CCDC88A: variants seen among roughly 807,000 people sequenced by gnomAD.
The protein encoded by CCDC88A is girdin.
A neutral mutation model predicts 234.3 loss-of-function variants in CCDC88A; 54 were observed. The observed-to-expected ratio is 0.23, with a 90% CI of 0.19 to 0.29. The LOEUF (loss-of-function observed/expected upper bound fraction) is 0.29, where lower values mean the gene tolerates loss of function less well. Ranked by LOEUF, CCDC88A falls within the 10% of genes least tolerant of loss-of-function variation. CCDC88A has a pLI of 1.00. For missense variants in CCDC88A, 1,832 were observed against 2,123.4 expected (o/e 0.86, Z 2.70); for synonymous variants, 753 against 737.8 (o/e 1.02, Z -0.33).
intron 7 of CCDC88A, among the ~76,000 whole-genome samples, chr2:55,360,785 G>A (rs1180944401): frequency 6.6e-6 from 1 of 152,074 alleles, no homozygotes; most frequent in East Asian, 1.9e-4. Context: ...GCACCCATCA[G>A]TCATACAAAA....
intron 18 of CCDC88A, among the ~76,000 whole-genome samples, chr2:55,321,859 G>A (rs1378140131): frequency 6.6e-6 from 1 of 151,716 alleles, no homozygotes; most frequent in Non-Finnish European, 1.5e-5. Flanking sequence ...AAATCATGGT[G>A]TGGGGATTAA....
At chr2:55,390,467 C>T (rs1246755787) in intron 2 of CCDC88A, among the ~76,000 whole-genome samples, 2 of 152,180 alleles carry the variant, frequency 1.3e-5, no homozygotes, top group African/African-American at 4.8e-5. Context: ...CAACCACTTA[C>T]GCTGAGATTA....
At chr2:55,408,651 G>A (rs1679989140) in intron 2 of CCDC88A, among the ~76,000 whole-genome samples, 1 of 152,152 alleles carries the variant, frequency 6.6e-6, no homozygotes, top group Non-Finnish European at 1.5e-5. Context: ...TCTACCCCTT[G>A]TTTGGCATAT....
At chr2:55,302,343 G>A (rs1404023236) in intron 26 of CCDC88A, among the ~76,000 whole-genome samples, 4 of 152,184 alleles carry the variant, frequency 2.6e-5, no homozygotes, top group East Asian at 1.9e-4. Flanking sequence ...ACTGCCATGC[G>A]ATTGTGCAGC....
chr2:55,302,873 A>AT (rs1207980052), intron 26 of CCDC88A, 196 bp downstream of exon 26: 1 of 451,272 alleles, frequency 2.2e-6, no homozygotes, highest in Non-Finnish European at 4.0e-6. Context: ...ATGCACGTAT[A>AT]TGTATCAGTG....
intron 3 of CCDC88A, among the ~76,000 whole-genome samples, chr2:55,383,267 CT>C (rs1674908611): frequency 6.6e-6 from 1 of 152,042 alleles, no homozygotes; most frequent in Non-Finnish European, 1.5e-5. Context: ...GAAACATACA[CT>C]TTTGAATTTT....
intron 3 of CCDC88A, among the ~76,000 whole-genome samples, chr2:55,385,670 T>C (rs1345054385): frequency 6.6e-6 from 1 of 151,166 alleles, no homozygotes; most frequent in Non-Finnish European, 1.5e-5. Flanking sequence ...CTGGCCAACA[T>C]GGTGAAACCA....
chr2:55,332,097 C>G lies in CCDC88A; in HGVS notation c.2855+469G>C, dbSNP rs1220111656. ...ATCTATATTAGATTGTCTATGATTC[C>G]TCTTTTCTCCTTACAGAACTTTCTT... On this transcript the variant is annotated intron_variant, in intron 16 of 32. Transcript: ENST00000436346. The surrounding 1 kb of genome is among the most constrained non-coding windows in gnomAD (Gnocchi z 4.5). 1 of 152,440 alleles carries G rather than the reference C, an allele frequency of 6.6e-6. No individual in the cohort carries two copies. The highest frequency in any genetic ancestry group is 1.5e-5 in the Non-Finnish European group (1 of 68,544). The allele number at this position is 152,440 out of a possible 1,614,324, so 9.4% of individuals were successfully genotyped here.
intron 23 of CCDC88A, among the ~76,000 whole-genome samples, chr2:55,310,547 C>G (rs1682218310): frequency 6.6e-6 from 1 of 151,798 alleles, no homozygotes; most frequent in African/African-American, 2.4e-5. Context: ...TGCTACTGCA[C>G]TCCAGCCTGG....
chr2:55,330,899 T>A (rs1684838101), intron 16 of CCDC88A, among the ~76,000 whole-genome samples: 2 of 152,236 alleles, frequency 1.3e-5, no homozygotes, highest in East Asian at 3.8e-4. Flanking sequence ...TTTGTCTACA[T>A]GGAATGCCCT....
chr2:55,319,494 A>G (rs1485345912), intron 18 of CCDC88A, among the ~76,000 whole-genome samples: 1 of 152,128 alleles, frequency 6.6e-6, no homozygotes, highest in Non-Finnish European at 1.5e-5. Context: ...AAATATTTCA[A>G]AGGGAAGCAG....
intron 8 of CCDC88A, among the ~76,000 whole-genome samples, chr2:55,354,082 A>C (rs1670244844): frequency 6.6e-6 from 1 of 152,196 alleles, no homozygotes; most frequent in African/African-American, 2.4e-5. Context: ...TTGTGTTTTT[A>C]AACATATCTA....
At chr2:55,343,120 T>G (rs780996927) in intron 12 of CCDC88A, among the ~76,000 whole-genome samples, 19 of 152,112 alleles carry the variant, frequency 1.2e-4, no homozygotes, top group Admixed American at 9.8e-4. Context: ...TGGGGGATCT[T>G]ACATTAGGTC....
At position 55,291,757 on chromosome 2, in the gene CCDC88A, T is replaced by C; in HGVS notation, c.5570A>G (p.Glu1857Gly). Reference sequence around the variant, plus strand: ...AGACCTGCTTTTTGAATTTCTGCTTTCTTGTACTTTGTCCACATCTGCAGG... The same window carrying C: ...AGACCTGCTTTTTGAATTTCTGCTTCCTTGTACTTTGTCCACATCTGCAGG... ...TAASNVDKVQ[E>G]SRNSKSRSRE... is the part of the protein sequence containing the mutation. Residue 1857 changes from glutamate to glycine, a missense_variant, in exon 32 of 33, where the codon GAA (glutamate) becomes GGA (glycine). Physicochemically the swap from Glu to Gly is moderately conservative, Grantham distance 98 (BLOSUM62 -2). Transcript: ENST00000436346. 1 of 1,612,504 alleles carries C rather than the reference T, an allele frequency of 6.2e-7. No homozygotes were observed.
Position 55,372,486 on chromosome 2 carries a change from T to C in CCDC88A, c.368A>G (p.Lys123Arg). Residue 123 changes from lysine to arginine, a missense_variant, in exon 5 of 33, where the codon AAA becomes AGA. Physicochemically the swap from Lys to Arg is conservative, Grantham distance 26. This residue lies in a region of CCDC88A where 84 missense variants were observed against 80.9 expected (regional missense o/e 1.04). Transcript: ENST00000436346. ...FSEQGTEEVK[K>R]LLLLLLGCAV... The stretch of plus-strand genomic sequence containing the variant: ...ACAACCCAATAAAAGTAAAAGCAGT[T>C]TTTTAACTTCTTCTGTGCCTTGTTC... 6.6e-7 allele frequency: 1 copy of C among 1,526,298 alleles called. No homozygotes were observed. The highest frequency in any genetic ancestry group is 9.0e-7 in the Non-Finnish European group (1 of 1,105,402). The allele number at this position is 1,526,298 out of a possible 1,614,324, so 94.5% of individuals were successfully genotyped here.
rs1414700109 is a variant in CCDC88A at position 55,374,961 on chromosome 2, T to C, written c.274-78A>G. On this transcript the variant is annotated intron_variant, in intron 3 of 32. Coordinates refer to ENST00000436346, the MANE Select transcript of CCDC88A (RefSeq NM_001365480.1). The stretch of plus-strand genomic sequence containing the variant: ...ATTCATCAAGCTATAACTTATGATT[T>C]GTACATTCTTCTGTAGGTGTGCTAT... The C allele has an allele frequency of 3.7e-5, 32 of 872,390 alleles. No homozygotes were observed. The South Asian group carries it at 4.8e-4, about 13-fold the overall frequency. 54.0% of individuals were successfully genotyped at this position (872,390 alleles called of 1,614,324 possible).
intron 2 of CCDC88A, 100 bp from the exon 3 acceptor site, chr2:55,388,986 T>C: frequency 3.0e-6 from 1 of 331,246 alleles, no homozygotes; most frequent in East Asian, 5.6e-5. Context: ...TTTAAATAAA[T>C]TGTGTGCTCA....
Position 55,312,447 on chromosome 2 carries a change from G to T in CCDC88A, c.4066C>A (p.Gln1356Lys). The change falls in exon 23 of 33, where the codon CAA (glutamine) becomes AAA (lysine). Residue 1356 changes from glutamine to lysine, a missense_variant. Gln to Lys is a moderately conservative substitution (Grantham distance 53). Around this residue, in one of 6 missense-constraint regions of CCDC88A, gnomAD observed 1,282 missense variants for 1,543.6 expected, o/e 0.83. Transcript: ENST00000436346. The stretch of plus-strand genomic sequence containing the variant: ...TTTGGTACCTACATGTACTGTCTTT[G>T]TTCAACATGAAAAAGATCCTTGCTT... ...MESKDLFHVEQRQYIDKLNEL... is the reference protein window; with the variant it reads ...MESKDLFHVEKRQYIDKLNEL... The T allele has an allele frequency of 6.2e-7, 1 of 1,611,766 alleles. No individual in the cohort carries two copies. The highest frequency in any genetic ancestry group is 8.5e-7 in the Non-Finnish European group (1 of 1,179,136).
chr2:55,407,742 G>C (rs1341991027), intron 2 of CCDC88A, among the ~76,000 whole-genome samples: 2 of 133,888 alleles, frequency 1.5e-5, no homozygotes, highest in East Asian at 4.3e-4. Context: ...TTTTGAGACA[G>C]AGTCTTGCTC....
Sources: allele counts gnomAD v4.1 joint callset (sites outside exome capture counted in the v4.1 genomes callset), GRCh38; gene constraint gnomAD v4.1.1; regional missense constraint gnomAD v4.1.1; non-coding constraint Gnocchi (gnomAD v3.1); transcripts MANE v1.5; gene names NCBI Gene and HGNC (gene_info 2026-07-23, HGNC 2026-07-21).